Variants in CSMD1 observed in about 807,000 individuals in gnomAD.
The protein encoded by CSMD1 is CUB and Sushi multiple domains 1, also known as CUB and sushi domain-containing protein 1.
CSMD1 carries 213 observed loss-of-function variants against 417.5 expected under a neutral mutation model. The ratio of observed to expected loss-of-function variants is 0.51; its 90% CI spans 0.46 to 0.57. The LOEUF is 0.57. CSMD1 is among the 20% of genes least tolerant of loss of function. The pLI is 0.00. For missense variants in CSMD1, 6,923 were observed against 4,529.7 expected (o/e 1.53, Z -15.17); for synonymous variants, 2,862 against 1,736.8 (o/e 1.65, Z -16.11).
At chr8:3,243,751 T>C (rs978770559) in intron 26 of CSMD1, among the ~76,000 whole-genome samples, 1 of 150,864 alleles carries the variant, frequency 6.6e-6, no homozygotes, top group African/African-American at 2.4e-5. Context: ...ATATTATTTA[T>C]GTATTTATAT....
intron 5 of CSMD1, among the ~76,000 whole-genome samples, chr8:3,951,630 A>G (rs1473210253): frequency 6.6e-6 from 1 of 152,222 alleles, no homozygotes; most frequent in African/African-American, 2.4e-5. Context: ...GCTGACAAAA[A>G]TATTGGAAGA....
chr8:4,702,425 G>C (rs974918846), intron 1 of CSMD1, among the ~76,000 whole-genome samples: 2 of 152,102 alleles, frequency 1.3e-5, no homozygotes, highest in Non-Finnish European at 2.9e-5. Flanking sequence ...CCTTGAGTAA[G>C]ATGACATCTT....
At chr8:3,945,178 C>CAAAAAAAAAA (rs138900503) in intron 5 of CSMD1, among the ~76,000 whole-genome samples, 25 of 118,916 alleles carry the variant, frequency 2.1e-4, no homozygotes, top group Non-Finnish European at 2.0e-4. Context: ...ATGAGAAAGA[C>CAAAAAAAAAA]AAAAAAAAAA....
At chr8:3,561,016 C>A (rs952250328) in intron 10 of CSMD1, among the ~76,000 whole-genome samples, 1 of 152,126 alleles carries the variant, frequency 6.6e-6, no homozygotes, top group Non-Finnish European at 1.5e-5. Context: ...AATAAAACGG[C>A]AGGCAGTGAA....
chr8:4,854,360 A>T (rs751389590), intron 1 of CSMD1, among the ~76,000 whole-genome samples: 3 of 152,146 alleles, frequency 2.0e-5, no homozygotes, highest in Non-Finnish European at 4.4e-5. Context: ...GTAGTGATTG[A>T]ATTCTCAAAG....
At chr8:4,183,680 T>C (rs1563237230) in intron 3 of CSMD1, among the ~76,000 whole-genome samples, 1 of 152,238 alleles carries the variant, frequency 6.6e-6, no homozygotes. Context: ...AATAATTTTG[T>C]TGTGAGCAGA....
intron 7 of CSMD1, among the ~76,000 whole-genome samples, chr8:3,638,781 G>T (rs552808357): frequency 1.3e-4 from 20 of 152,250 alleles, no homozygotes; most frequent in African/African-American, 3.9e-4. Flanking sequence ...AGAGAAACCA[G>T]CATGCATAGG....
chr8:3,298,057 A>T (rs944635738), intron 25 of CSMD1, among the ~76,000 whole-genome samples: 7 of 152,198 alleles, frequency 4.6e-5, no homozygotes, highest in Admixed American at 3.9e-4. Context: ...CCCCAGTAGA[A>T]TGGCTAAAAT....
At chr8:3,377,240 G>C (rs1012292071) in intron 18 of CSMD1, among the ~76,000 whole-genome samples, 1 of 152,066 alleles carries the variant, frequency 6.6e-6, no homozygotes, top group Non-Finnish European at 1.5e-5. Flanking sequence ...TCGAACTCCT[G>C]GGCCTCAGCA....
intron 10 of CSMD1, among the ~76,000 whole-genome samples, chr8:3,552,462 C>T (rs879246544): frequency 4.2e-4 from 64 of 152,162 alleles, no homozygotes; most frequent in African/African-American, 7.2e-5. Flanking sequence ...AGTTATAAAG[C>T]TTCCTCTGAC....
intron 1 of CSMD1, among the ~76,000 whole-genome samples, chr8:4,768,288 G>A (rs1458433254): frequency 6.6e-6 from 1 of 151,912 alleles, no homozygotes; most frequent in South Asian, 2.1e-4. Context: ...GCACAGGTAA[G>A]AACCCACCAC....
At chr8:3,666,178 G>C (rs1009482956) in intron 7 of CSMD1, among the ~76,000 whole-genome samples, 1 of 152,192 alleles carries the variant, frequency 6.6e-6, no homozygotes, top group Non-Finnish European at 1.5e-5. Flanking sequence ...TTACAGGCAT[G>C]AGCCACCACG....
chr8:3,168,726 T>C (rs1379881892), intron 37 of CSMD1, among the ~76,000 whole-genome samples: 1 of 152,166 alleles, frequency 6.6e-6, no homozygotes. Flanking sequence ...GTTTTATTTA[T>C]CATCTGGGAA....
rs367619256 is a variant in CSMD1, at chr8:3,591,209, TAACTC to T, written c.1098-4954_1098-4950del. On this transcript the variant is annotated intron_variant, in intron 8 of 69. Transcript: ENST00000635120. ...ACAATAAATATCACACAGCAAAAGT[TAACTC>T]AAACAAAGCAGCAAAATTTTGACTT... 2.6e-5 allele frequency among the ~76,000 whole-genome samples: 4 copies of T among 152,306 alleles called. No homozygotes were observed. The South Asian group carries it at 8.3e-4, about 32-fold the overall frequency.
chr8:4,801,173 T>A (rs1798263485), intron 1 of CSMD1, among the ~76,000 whole-genome samples: 1 of 152,234 alleles, frequency 6.6e-6, no homozygotes, highest in South Asian at 2.1e-4. Context: ...TACTTCAGAC[T>A]GTCTGTGCCC....
intron 4 of CSMD1, among the ~76,000 whole-genome samples, chr8:4,005,417 A>T (rs1816035381): frequency 6.6e-6 from 1 of 152,188 alleles, no homozygotes; most frequent in South Asian, 2.1e-4. Flanking sequence ...TCTGCAACCA[A>T]TTAGACACAG....
intron 3 of CSMD1, among the ~76,000 whole-genome samples, chr8:4,050,966 G>C (rs984138526): frequency 7.9e-5 from 12 of 152,064 alleles, no homozygotes; most frequent in African/African-American, 2.7e-4. Context: ...GTTGGAGAAA[G>C]GCTGCAGATG....
At chr8:4,686,551 T>A (rs1360929706) in intron 1 of CSMD1, among the ~76,000 whole-genome samples, 1 of 152,204 alleles carries the variant, frequency 6.6e-6, no homozygotes, top group African/African-American at 2.4e-5. Context: ...CCCTGCTACA[T>A]CCCTGCTGAT....
intron 3 of CSMD1, among the ~76,000 whole-genome samples, chr8:4,288,957 G>A (rs2656290): frequency 0.1 from 15,457 of 152,144 alleles, 936 homozygotes; most frequent in South Asian, 0.17. Flanking sequence ...TGTGGCAGCT[G>A]TAAAAATGGT....
Sources: allele counts gnomAD v4.1 joint callset (sites outside exome capture counted in the v4.1 genomes callset), GRCh38; gene constraint gnomAD v4.1.1; transcripts MANE v1.5; gene names NCBI Gene and HGNC (gene_info 2026-07-23, HGNC 2026-07-21).